The following PLCE1 variants were observed in gnomAD, a reference collection of about 807,000 sequenced individuals.
PLCE1 encodes phospholipase C epsilon 1, also known as 1-phosphatidylinositol 4,5-bisphosphate phosphodiesterase epsilon-1.
PLCE1 carries 119 observed loss-of-function variants against 242.8 expected under a neutral mutation model. That is an observed-to-expected ratio of 0.49 (90% CI 0.42 to 0.57). The LOEUF (loss-of-function observed/expected upper bound fraction) is 0.57. Ranked by LOEUF, PLCE1 falls within the 20% of genes least tolerant of loss-of-function variation. PLCE1 has a pLI of 0.00. For synonymous variants in PLCE1, 945 were observed against 1,017.4 expected (o/e 0.93, Z 1.35); for missense variants, 2,441 against 2,788.8 (o/e 0.88, Z 2.81).
rs2133644648 is a variant in PLCE1 at position 94,306,932 on chromosome 10, G to T, written c.5884+244G>T. On this transcript the variant is annotated intron_variant, in intron 26 of 32. Transcript: ENST00000371380. The surrounding 1 kb of genome is among the most constrained non-coding windows in gnomAD (Gnocchi z 5.7). ...GTAAAGTACAGCCTCACCCATGCTT[G>T]CTGATGTCAGGAGCAGTGGTTGTTG... is the stretch of plus-strand genomic sequence containing the variant. Among the ~76,000 whole-genome samples, 1 of 152,320 alleles carries T rather than the reference G, an allele frequency of 6.6e-6. No individual in the cohort carries two copies. Among genetic ancestry groups the T allele is most frequent in the East Asian group, 1.9e-4 (1 of 5,184 alleles).
intron 13 of PLCE1, 119 bp downstream of exon 13, chr10:94,259,269 G>A (rs1564837845): frequency 9.5e-7 from 1 of 1,048,136 alleles, no homozygotes; most frequent in Non-Finnish European, 1.5e-6. Flanking sequence ...TGCTGTGTAG[G>A]GAAAGACTTA....
intron 2 of PLCE1, among the ~76,000 whole-genome samples, chr10:94,128,369 A>C (rs1395687842): frequency 1.3e-5 from 2 of 152,140 alleles, no homozygotes; most frequent in Non-Finnish European, 2.9e-5. Flanking sequence ...CCAACAAAGC[A>C]CCTTGAGTTT....
At chr10:94,055,912 A>G (rs922141593) in intron 2 of PLCE1, among the ~76,000 whole-genome samples, 14 of 152,182 alleles carry the variant, frequency 9.2e-5, no homozygotes, top group Non-Finnish European at 1.8e-4. Context: ...TTAAATAACC[A>G]TTCAAGGCAT....
At chr10:94,285,089 A>G in intron 22 of PLCE1, 124 bp downstream of exon 22, 1 of 673,360 alleles carries the variant, frequency 1.5e-6, no homozygotes, top group Non-Finnish European at 2.7e-6. Flanking sequence ...AATCATTGTT[A>G]TAATACCTCC....
At chr10:94,099,748 A>C (rs1159322654) in intron 2 of PLCE1, 1 of 152,212 alleles carries the variant, frequency 6.6e-6, no homozygotes, top group East Asian at 1.9e-4. Context: ...TGGAAAATGG[A>C]GACATTAACT....
intron 2 of PLCE1, chr10:94,094,857 G>A (rs1012291976): frequency 2.0e-5 from 3 of 152,148 alleles, no homozygotes; most frequent in South Asian, 2.1e-4. Flanking sequence ...GGAGGAAATC[G>A]ATATCTAATT....
intron 14 of PLCE1, among the ~76,000 whole-genome samples, chr10:94,265,005 G>A (rs565841262): frequency 1.3e-5 from 2 of 152,272 alleles, no homozygotes; most frequent in South Asian, 4.1e-4. Flanking sequence ...ATTGTAAACT[G>A]TGTGGGTGAA....
chr10:94,134,654 A>G (rs527760394), intron 3 of PLCE1, among the ~76,000 whole-genome samples: 2 of 152,366 alleles, frequency 1.3e-5, no homozygotes, highest in South Asian at 4.1e-4. Flanking sequence ...TAGGCTGCCC[A>G]ACCAAGGCAG....
chr10:94,174,547 C>T (rs2048072990), intron 4 of PLCE1, among the ~76,000 whole-genome samples: 1 of 152,148 alleles, frequency 6.6e-6, no homozygotes, highest in African/African-American at 2.4e-5. Context: ...CCGGTAGACA[C>T]TGGCTTGACC....
rs779280589 is a variant in PLCE1, at chr10:94,227,441, G to T, written c.1945G>T (p.Ala649Ser). The T allele has an allele frequency of 3.7e-6, 6 of 1,613,998 alleles. No individual in the cohort carries two copies. Among genetic ancestry groups the T allele is most frequent in the Non-Finnish European group, 3.4e-6 (4 of 1,179,904 alleles). The change falls in exon 5 of 33, where the codon GCT (alanine) becomes TCT (serine). Residue 649 changes from alanine to serine, a missense_variant. Ala to Ser is a moderately conservative substitution (Grantham distance 99). This residue lies in a region of PLCE1 where 733 missense variants were observed against 754.2 expected (regional missense o/e 0.97). Transcript: ENST00000371380. ...CTACAACGCTGTCATGGAGTTCTTG[G>T]CTGGCCTCAGGTATAGTCAGTGGGG... ...GNYNAVMEFL[A>S]GLRSRKVLKM...
At chr10:94,253,750 C>T (rs996290002) in intron 9 of PLCE1, among the ~76,000 whole-genome samples, 96 of 152,274 alleles carry the variant, frequency 6.3e-4, no homozygotes, top group Middle Eastern at 3.4e-3. Context: ...AGGGATCCAC[C>T]CCCATGATCC....
intron 28 of PLCE1, among the ~76,000 whole-genome samples, chr10:94,314,656 G>A (rs1184805740): frequency 6.6e-6 from 1 of 152,084 alleles, no homozygotes; most frequent in Non-Finnish European, 1.5e-5. Flanking sequence ...AATGACCAAG[G>A]GAATGGCCCT....
chr10:94,049,175 A>T (rs979279568), intron 2 of PLCE1, among the ~76,000 whole-genome samples: 1 of 152,116 alleles, frequency 6.6e-6, no homozygotes, highest in Non-Finnish European at 1.5e-5. Flanking sequence ...AAATTCTTAA[A>T]TTTTATAGTC....
At chr10:94,058,223 C>T (rs1051853182) in intron 2 of PLCE1, among the ~76,000 whole-genome samples, 2 of 152,104 alleles carry the variant, frequency 1.3e-5, no homozygotes, top group Non-Finnish European at 2.9e-5. Context: ...TTTAAATTGT[C>T]AAGTGCTCCA....
At chr10:94,303,857 C>A (rs1035630804) in intron 24 of PLCE1, among the ~76,000 whole-genome samples, 1 of 152,064 alleles carries the variant, frequency 6.6e-6, no homozygotes, top group Non-Finnish European at 1.5e-5. Context: ...ACAGCCTTGT[C>A]TCCTTGTTAT....
chr10:94,042,145 C>T (rs2061781107), intron 2 of PLCE1, among the ~76,000 whole-genome samples: 1 of 152,094 alleles, frequency 6.6e-6, no homozygotes, highest in African/African-American at 2.4e-5. Flanking sequence ...CCCTGAGTTT[C>T]AGGTTGAGTA....
intron 2 of PLCE1, among the ~76,000 whole-genome samples, chr10:94,110,042 CCTTTTTTTCTTTTTT>C (rs1241746359): frequency 8.6e-6 from 1 of 116,880 alleles, no homozygotes; most frequent in African/African-American, 3.0e-5. Context: ...TAGACCCTTT[CCTTTTTTTCTTTTTT>C]CTTTTTTTTT....
intron 4 of PLCE1, among the ~76,000 whole-genome samples, chr10:94,181,457 T>A (rs1172120335): frequency 6.6e-6 from 1 of 151,916 alleles, no homozygotes. Flanking sequence ...GCGCCTGTAG[T>A]CCCAGCTACT....
rs568778003 is a variant in PLCE1 at position 94,226,718 on chromosome 10, C to T, written c.1810-588C>T. Among the ~76,000 whole-genome samples the T allele has an allele frequency of 2.9e-3, 441 of 149,882 alleles. 1 individual carries two copies. Among genetic ancestry groups the T allele is most frequent in the Middle Eastern group, 0.029 (8 of 280 alleles). ...CAAAATTATCCTTAGGCCTTATTTT[C>T]TTATAGTCAAAAGAAATTTTTTCAA... On this transcript the variant is annotated intron_variant, in intron 4 of 32. Coordinates refer to ENST00000371380, the MANE Select transcript of PLCE1 (RefSeq NM_016341.4).
Sources: allele counts gnomAD v4.1 joint callset (sites outside exome capture counted in the v4.1 genomes callset), GRCh38; gene constraint gnomAD v4.1.1; regional missense constraint gnomAD v4.1.1; non-coding constraint Gnocchi (gnomAD v3.1); transcripts MANE v1.5; gene names NCBI Gene and HGNC (gene_info 2026-07-23, HGNC 2026-07-21).